CA8: variants seen among roughly 807,000 people sequenced by gnomAD.
The protein encoded by CA8 is carbonic anhydrase-related protein.
Under a neutral mutation model 41.4 loss-of-function variants are expected in CA8, and 22 were observed. That is an observed-to-expected ratio of 0.53 (90% CI 0.38 to 0.76). The LOEUF (loss-of-function observed/expected upper bound fraction) is 0.76. Ranked by LOEUF, CA8 falls within the 30% of genes least tolerant of loss-of-function variation. The pLI is 0.00. For synonymous variants in CA8, 121 were observed against 130.6 expected, an observed-to-expected ratio of 0.93 and a Z score of 0.50; for missense variants, 270 against 352.8, an observed-to-expected ratio of 0.77 and a Z score of 1.88.
chr8:60,256,153 G>A (rs996069338), intron 3 of CA8, among the ~76,000 whole-genome samples: 18 of 151,970 alleles, frequency 1.2e-4, no homozygotes, highest in Admixed American at 2.6e-4. Flanking sequence ...CAGGTGATCC[G>A]CCCACCTCAG....
At chr8:60,247,414 AC>A (rs1197834951) in intron 3 of CA8, among the ~76,000 whole-genome samples, 1 of 151,692 alleles carries the variant, frequency 6.6e-6, no homozygotes, top group Non-Finnish European at 1.5e-5. Flanking sequence ...CTTCCGCTCC[AC>A]CCCCAACAGG....
intron 3 of CA8, among the ~76,000 whole-genome samples, chr8:60,243,885 A>G (rs1376234439): frequency 6.6e-6 from 1 of 152,058 alleles, no homozygotes; most frequent in Non-Finnish European, 1.5e-5. Flanking sequence ...CATGTTCTTG[A>G]TGGCTGTTCT....
intron 7 of CA8, among the ~76,000 whole-genome samples, chr8:60,221,704 G>A (rs1183558871): frequency 6.6e-6 from 1 of 152,168 alleles, no homozygotes; most frequent in Non-Finnish European, 1.5e-5. Context: ...AAGGGTATGG[G>A]GAGGAGAGGC....
At chr8:60,262,316 T>A (rs1176200600) in intron 3 of CA8, among the ~76,000 whole-genome samples, 1 of 139,682 alleles carries the variant, frequency 7.2e-6, no homozygotes, top group Admixed American at 7.4e-5. Flanking sequence ...TAGAGTGTAC[T>A]AGTGTGTTAG....
intron 3 of CA8, 76 bp downstream of exon 3, chr8:60,265,849 C>T (rs1466000392): frequency 5.9e-6 from 9 of 1,517,578 alleles, no homozygotes; most frequent in Non-Finnish European, 8.2e-6. Flanking sequence ...TACTTTTAAA[C>T]TAAATCATTT....
rs1803892042 is a variant in CA8, at chr8:60,266,059, A to C, written c.293-10T>G. ...GGTCCTCCCGAAAGAACTGAAAAAG[A>C]AAATATATGTTACCGAATTACAGCA... On this transcript the variant is annotated splice_polypyrimidine_tract_variant and intron_variant, in intron 2 of 8. Transcript: ENST00000317995. The C allele has an allele frequency of 6.2e-7, 1 of 1,613,168 alleles. No homozygotes were observed. Among genetic ancestry groups the C allele is most frequent in the Non-Finnish European group, 8.5e-7 (1 of 1,179,514 alleles).
rs201932118 is a variant in CA8 at position 60,266,894 on chromosome 8, T to C, written c.293-845A>G. ...AATAAAAGTTGTTTAACTCAGGGCA[T>C]TTTTCCTCTAGCAACTCCCAATTCT... On this transcript the variant is annotated intron_variant, in intron 2 of 8. Transcript: ENST00000317995. Among the ~76,000 whole-genome samples, 10 of 152,344 alleles carry C rather than the reference T, an allele frequency of 6.6e-5. No homozygotes were observed. The East Asian group carries it at 1.9e-3, about 29-fold the overall frequency.
Position 60,254,553 on chromosome 8 carries a change from C to T in CA8, c.417+11372G>A, listed in dbSNP as rs185512981. Among the ~76,000 whole-genome samples, 16 of 152,268 alleles carry T rather than the reference C, an allele frequency of 1.1e-4. 1 individual carries two copies. In the East Asian group the frequency reaches 2.1e-3, roughly 20 times the overall value. On this transcript the variant is annotated intron_variant, in intron 3 of 8. Transcript: ENST00000317995. Reference sequence around the variant, plus strand: ...ATAAAAATCTGTAATATTTGTTCTCCGCAACAAGTTGGATAAGTGATATTT... The same window carrying T: ...ATAAAAATCTGTAATATTTGTTCTCTGCAACAAGTTGGATAAGTGATATTT...
intron 3 of CA8, among the ~76,000 whole-genome samples, chr8:60,246,161 G>A (rs967185115): frequency 2.0e-5 from 3 of 152,150 alleles, no homozygotes; most frequent in Non-Finnish European, 4.4e-5. Flanking sequence ...TACATACACT[G>A]TACTGCTCAA....
At chr8:60,249,438 G>A (rs1339324228) in intron 3 of CA8, among the ~76,000 whole-genome samples, 1 of 152,086 alleles carries the variant, frequency 6.6e-6, no homozygotes, top group Non-Finnish European at 1.5e-5. Context: ...ATACGATACT[G>A]AGCAAAAACA....
In CA8 at chr8:60,255,790, T is replaced by C. The variant is rs114327730; in HGVS notation, c.417+10135A>G. Among the ~76,000 whole-genome samples, 141 of 152,342 alleles carry C rather than the reference T, an allele frequency of 9.3e-4. 1 individual carries two copies. Among genetic ancestry groups the C allele is most frequent in the African/African-American group, 3.3e-3 (137 of 41,574 alleles). On this transcript the variant is annotated intron_variant, in intron 3 of 8. Transcript: ENST00000317995. Reference sequence around the variant, plus strand: ...CAACATTTACATCCAATATACCTAATACTGCTCTTAAAATGTTTTTAGAAA... The same window carrying C: ...CAACATTTACATCCAATATACCTAACACTGCTCTTAAAATGTTTTTAGAAA...
intron 3 of CA8, among the ~76,000 whole-genome samples, chr8:60,255,290 A>C (rs1443169111): frequency 6.7e-6 from 1 of 149,366 alleles, no homozygotes; most frequent in African/African-American, 2.5e-5. Flanking sequence ...TTCTGGACAG[A>C]CACTCTTCTC....
chr8:60,211,969 T>TG (rs1359428175), intron 7 of CA8, among the ~76,000 whole-genome samples: 10 of 152,260 alleles, frequency 6.6e-5, no homozygotes, highest in Non-Finnish European at 1.2e-4. Flanking sequence ...GAGACCATTA[T>TG]TATCACATAT....
intron 3 of CA8, among the ~76,000 whole-genome samples, chr8:60,254,347 G>GTGACAGACC (rs1291167853): frequency 1.3e-5 from 2 of 152,162 alleles, no homozygotes; most frequent in Non-Finnish European, 2.9e-5. Context: ...TGAGGAGAAG[G>GTGACAGACC]TGACAGACCA....
intron 2 of CA8, among the ~76,000 whole-genome samples, chr8:60,266,617 T>TA (rs1803908932): frequency 6.6e-6 from 1 of 152,082 alleles, no homozygotes. Flanking sequence ...CGACACAAAA[T>TA]AAAACTGCAA....
intron 5 of CA8, among the ~76,000 whole-genome samples, chr8:60,225,796 T>C (rs1309352052): frequency 6.6e-6 from 1 of 152,176 alleles, no homozygotes; most frequent in Admixed American, 6.5e-5. Context: ...CACATTCAGC[T>C]AAGTGTGAGC....
chr8:60,275,954 G>A (rs1262156457), intron 2 of CA8, among the ~76,000 whole-genome samples: 2 of 152,206 alleles, frequency 1.3e-5, no homozygotes, highest in African/African-American at 4.8e-5. Context: ...ATCAAACGAA[G>A]TCAAGAATAC....
chr8:60,196,420 A>G (rs1319629513), intron 8 of CA8, among the ~76,000 whole-genome samples: 1 of 152,162 alleles, frequency 6.6e-6, no homozygotes, highest in African/African-American at 2.4e-5. Context: ...AGTTTGCCCA[A>G]GTTGTGGAAC....
intron 3 of CA8, among the ~76,000 whole-genome samples, chr8:60,259,740 C>T (rs57759430): frequency 0.063 from 8,657 of 138,208 alleles, 675 homozygotes; most frequent in African/African-American, 0.19. Context: ...AATTTGTTTG[C>T]TTTTTTTTTT....
Sources: gnomAD v4.1 joint callset for allele counts (sites outside exome capture counted in the v4.1 genomes callset) on GRCh38, gnomAD v4.1.1 for gene constraint, MANE v1.5 for transcripts, NCBI Gene and HGNC (gene_info 2026-07-23, HGNC 2026-07-21) for gene names.